The following SYT1 variants were observed in gnomAD, a reference collection of about 807,000 sequenced individuals.
SYT1 encodes synaptotagmin-1.
Under a neutral mutation model 44.8 loss-of-function variants are expected in SYT1, and 8 were observed. That is an observed-to-expected ratio of 0.18 (90% CI 0.10 to 0.32). SYT1 has a LOEUF of 0.32. Ranked by LOEUF, SYT1 falls within the 10% of genes least tolerant of loss-of-function variation. SYT1 has a pLI of 1.00. For synonymous variants in SYT1, 154 were observed against 188.8 expected (o/e 0.82, Z 1.51); for missense variants, 286 against 509.3 (o/e 0.56, Z 4.22).
chr12:78,981,806 G>C (rs1869284149), intron 2 of SYT1, among the ~76,000 whole-genome samples: 1 of 152,048 alleles, frequency 6.6e-6, no homozygotes, highest in Non-Finnish European at 1.5e-5. Flanking sequence ...GTTACTTTTA[G>C]CCCAGACATT....
intron 3 of SYT1, among the ~76,000 whole-genome samples, chr12:79,151,979 G>A (rs1333575995): frequency 2.0e-5 from 3 of 152,128 alleles, no homozygotes; most frequent in African/African-American, 7.2e-5. Context: ...AAAGAACTGT[G>A]TGTATTCAGG....
rs557644716 is a variant in SYT1, at chr12:79,379,920, A to G, written c.928+26301A>G. ...GAGGAAACAAGCCTAAGGAAATTAA[A>G]TAATTTGCTGAAGGTTACACCCGAG... On this transcript the variant is annotated intron_variant, in intron 9 of 10. Coordinates refer to ENST00000261205, the MANE Select transcript of SYT1 (RefSeq NM_005639.3). 3.3e-5 allele frequency among the ~76,000 whole-genome samples: 5 copies of G among 152,320 alleles called. No individual in the cohort carries two copies. In the East Asian group the frequency reaches 7.7e-4, roughly 24 times the overall value.
At chr12:78,925,661 T>A (rs1877263075) in intron 1 of SYT1, among the ~76,000 whole-genome samples, 1 of 151,934 alleles carries the variant, frequency 6.6e-6, no homozygotes, top group South Asian at 2.1e-4. Context: ...GAAGAGTAAA[T>A]AATATTATAA....
chr12:79,064,926 G>GAGAAAGAAAGAAAGAAAGAAAGAA (rs200335076), intron 3 of SYT1, among the ~76,000 whole-genome samples: 4 of 111,454 alleles, frequency 3.6e-5, no homozygotes, highest in Admixed American at 9.8e-5. Flanking sequence ...AAAAAATAGA[G>GAGAAAGAAAGAAAGAAAGAAAGAA]AGAAAGAAAG....
chr12:79,400,886 T>C (rs1885043510), intron 9 of SYT1, among the ~76,000 whole-genome samples: 1 of 152,224 alleles, frequency 6.6e-6, no homozygotes, highest in Non-Finnish European at 1.5e-5. Flanking sequence ...TACAGATCTC[T>C]TGTAGTTTCA....
intron 4 of SYT1, among the ~76,000 whole-genome samples, chr12:79,219,642 G>A (rs1875033027): frequency 6.6e-6 from 1 of 151,976 alleles, no homozygotes. Flanking sequence ...TTTGTTGAAA[G>A]TGAGTTGGCA....
chr12:79,079,610 A>G (rs938273176), intron 3 of SYT1, among the ~76,000 whole-genome samples: 1 of 152,100 alleles, frequency 6.6e-6, no homozygotes, highest in Non-Finnish European at 1.5e-5. Flanking sequence ...ACATTTTCAG[A>G]TATTTGAATT....
intron 2 of SYT1, among the ~76,000 whole-genome samples, chr12:78,980,025 T>C (rs1257163330): frequency 1.3e-5 from 2 of 152,178 alleles, no homozygotes; most frequent in African/African-American, 2.4e-5. Flanking sequence ...TACAACTAAA[T>C]TGAATTCTTT....
At chr12:79,408,643 A>G (rs1757275243) in intron 9 of SYT1, among the ~76,000 whole-genome samples, 1 of 151,836 alleles carries the variant, frequency 6.6e-6, no homozygotes, top group African/African-American at 2.4e-5. Flanking sequence ...CAAGAAGGAC[A>G]TTTTGGTTGG....
intron 9 of SYT1, among the ~76,000 whole-genome samples, chr12:79,427,912 TA>T (rs1333041901): frequency 2.0e-5 from 3 of 152,218 alleles, no homozygotes; most frequent in Non-Finnish European, 2.9e-5. Context: ...ATTACTGGAT[TA>T]AAAACAATAT....
intron 2 of SYT1, among the ~76,000 whole-genome samples, chr12:79,037,326 A>G (rs1296428283): frequency 6.6e-6 from 1 of 151,278 alleles, no homozygotes; most frequent in Non-Finnish European, 1.5e-5. Context: ...ACTTAGTGCC[A>G]TCCTGCCTCA....
rs1565920012 is a variant in SYT1, at chr12:79,349,057, G to GAAAGAAAGAAAT, written c.811-4445_811-4444insAAAGAAAGAAAT. On this transcript the variant is annotated intron_variant, in intron 8 of 10. Transcript: ENST00000261205. ...AAAAAGAAAGAAAGAAAGAAAGAAA[G>GAAAGAAAGAAAT]GAGGGAGGGAGGGAGGGAGGGAAGG... Among the ~76,000 whole-genome samples the GAAAGAAAGAAAT allele has an allele frequency of 3.0e-5, 4 of 134,992 alleles. No homozygotes were observed. In the South Asian group the frequency reaches 9.4e-4, roughly 32 times the overall value. 88.6% of individuals were successfully genotyped at this position (134,992 alleles called of 152,430 possible).
chr12:79,178,911 GATATAGATATAGATATATCT>G lies in SYT1; in HGVS notation c.-17-38574_-17-38555del, dbSNP rs1222077488. 1.1e-4 allele frequency among the ~76,000 whole-genome samples: 15 copies of G among 131,554 alleles called. 2 individuals are homozygous for G. The highest frequency in any genetic ancestry group is 6.7e-4 in the South Asian group (3 of 4,446). The allele number at this position is 131,554 out of a possible 152,430, so 86.3% of individuals were successfully genotyped here. On this transcript the variant is annotated intron_variant, in intron 3 of 10. Coordinates refer to ENST00000261205, the MANE Select transcript of SYT1 (RefSeq NM_005639.3). ...TTTCATGCATGCGCCACCACACCCAGATATAGATATAGATATATCTATATAGATATAGATATAGATATAGA... is the reference window on the plus strand; with the variant it reads ...TTTCATGCATGCGCCACCACACCCAGATATAGATATAGATATAGATATAGA...
intron 3 of SYT1, among the ~76,000 whole-genome samples, chr12:79,189,461 G>A (rs963163476): frequency 5.3e-5 from 8 of 152,132 alleles, no homozygotes; most frequent in African/African-American, 1.9e-4. Context: ...ACTGAAAAAT[G>A]TGAACAATTC....
intron 1 of SYT1, among the ~76,000 whole-genome samples, chr12:78,965,372 A>G (rs1211377305): frequency 6.6e-6 from 1 of 152,102 alleles, no homozygotes; most frequent in East Asian, 1.9e-4. Flanking sequence ...GTGATGCACA[A>G]CCTCTGCTCT....
rs188019791 is a variant in SYT1 at position 79,260,883 on chromosome 12, C to G, written c.167-24904C>G. Among the ~76,000 whole-genome samples, 34 of 151,874 alleles carry G rather than the reference C, an allele frequency of 2.2e-4. No homozygotes were observed. In the East Asian group the frequency reaches 6.0e-3, roughly 27 times the overall value. On this transcript the variant is annotated intron_variant, in intron 4 of 10. Transcript: ENST00000261205. ...GAGTAATATCATTATATTAAAATAT[C>G]CAACCATATCATGAGATCAAAGGAT... is the stretch of plus-strand genomic sequence containing the variant.
chr12:78,953,720 T>G (rs1879081741), intron 1 of SYT1, among the ~76,000 whole-genome samples: 1 of 152,036 alleles, frequency 6.6e-6, no homozygotes, highest in Non-Finnish European at 1.5e-5. Flanking sequence ...TTTGAAATTT[T>G]TCATAAAATA....
intron 3 of SYT1, among the ~76,000 whole-genome samples, chr12:79,073,257 A>G (rs1403544685): frequency 6.6e-6 from 1 of 152,136 alleles, no homozygotes; most frequent in Non-Finnish European, 1.5e-5. Flanking sequence ...GCATGCCACC[A>G]TGCCTGGATA....
At chr12:79,131,231 C>G (rs1354676411) in intron 3 of SYT1, among the ~76,000 whole-genome samples, 1 of 151,874 alleles carries the variant, frequency 6.6e-6, no homozygotes, top group Admixed American at 6.6e-5. Flanking sequence ...TTTGCTGCAC[C>G]CACCAACCAG....
Sources: gnomAD v4.1 joint callset for allele counts (sites outside exome capture counted in the v4.1 genomes callset) on GRCh38, gnomAD v4.1.1 for gene constraint, MANE v1.5 for transcripts, NCBI Gene and HGNC (gene_info 2026-07-23, HGNC 2026-07-21) for gene names.